The following CSMD1 variants were observed in gnomAD, a reference collection of about 807,000 sequenced individuals.
CSMD1 encodes CUB and Sushi multiple domains 1, also known as CUB and sushi domain-containing protein 1.
Under a neutral mutation model 417.5 loss-of-function variants are expected in CSMD1, and 213 were observed. The ratio of observed to expected loss-of-function variants is 0.51; its 90% CI spans 0.46 to 0.57. CSMD1 has a LOEUF of 0.57. CSMD1 is among the 20% of genes least tolerant of loss of function. The probability of loss-of-function intolerance (pLI) is 0.00; values close to 1 mark genes in which losing one functional copy is unlikely to be tolerated. For missense variants in CSMD1, 6,923 were observed against 4,529.7 expected, an observed-to-expected ratio of 1.53 and a Z score of -15.17; for synonymous variants, 2,862 against 1,736.8, an observed-to-expected ratio of 1.65 and a Z score of -16.11.
chr8:4,434,061 G>A (rs564317627), intron 2 of CSMD1, among the ~76,000 whole-genome samples: 29 of 152,262 alleles, frequency 1.9e-4, no homozygotes, highest in African/African-American at 7.0e-4. Context: ...CTAGGGGCTG[G>A]ACATTGGGAC....
At chr8:4,506,857 C>G (rs992420623) in intron 2 of CSMD1, among the ~76,000 whole-genome samples, 3 of 152,094 alleles carry the variant, frequency 2.0e-5, no homozygotes, top group Admixed American at 2.0e-4. Flanking sequence ...TATATTTGTA[C>G]GATTGATAAG....
At position 3,170,747 on chromosome 8, in the gene CSMD1, T is replaced by G. The variant is rs369920273; in HGVS notation, c.5726-8470A>C. ...ATCAAAAATTGTTCACACTTTAAAATAGTGAACTGTGTAAGTTTGTATTTA... is the reference window on the plus strand; with the variant it reads ...ATCAAAAATTGTTCACACTTTAAAAGAGTGAACTGTGTAAGTTTGTATTTA... On this transcript the variant is annotated intron_variant, in intron 37 of 69. Transcript: ENST00000635120. 7.0e-4 allele frequency among the ~76,000 whole-genome samples: 107 copies of G among 152,342 alleles called. 1 individual carries two copies. The South Asian group carries it at 0.022, about 32-fold the overall frequency.
chr8:4,042,205 C>G (rs764258657), intron 3 of CSMD1, among the ~76,000 whole-genome samples: 1 of 152,088 alleles, frequency 6.6e-6, no homozygotes, highest in Admixed American at 6.6e-5. Context: ...ATGCAAAGAA[C>G]ATGAAGAGCA....
At chr8:4,808,005 T>G (rs948565501) in intron 1 of CSMD1, among the ~76,000 whole-genome samples, 1 of 152,222 alleles carries the variant, frequency 6.6e-6, no homozygotes, top group East Asian at 1.9e-4. Context: ...AAATCTGTTG[T>G]GTATCCCATT....
At chr8:4,198,919 G>C (rs564796102) in intron 3 of CSMD1, among the ~76,000 whole-genome samples, 1 of 150,162 alleles carries the variant, frequency 6.7e-6, no homozygotes, top group African/African-American at 2.5e-5. Context: ...TTCCACGCAG[G>C]TTTTTTTTGT....
intron 2 of CSMD1, among the ~76,000 whole-genome samples, chr8:4,490,339 C>G (rs1360399544): frequency 6.6e-6 from 1 of 152,110 alleles, no homozygotes; most frequent in African/African-American, 2.4e-5. Context: ...CATATCCAGC[C>G]CAGATATCTT....
chr8:3,707,609 G>GT (rs1208696348), intron 7 of CSMD1, among the ~76,000 whole-genome samples: 3 of 152,182 alleles, frequency 2.0e-5, no homozygotes, highest in African/African-American at 7.2e-5. Flanking sequence ...CTGGTACCCA[G>GT]TAACTGTTAT....
Position 4,619,208 on chromosome 8 carries a change from C to T in CSMD1, c.302+18134G>A, listed in dbSNP as rs553963551. 1.2e-3 allele frequency among the ~76,000 whole-genome samples: 176 copies of T among 151,950 alleles called. 1 individual carries two copies. Among genetic ancestry groups the T allele is most frequent in the Non-Finnish European group, 2.2e-3 (146 of 67,904 alleles). ...TGGGCAGAATGTCTACATTTTTTCC[C>T]ACCACCACCACCCCAAATAGTTTTT... On this transcript the variant is annotated intron_variant, in intron 2 of 69. Transcript: ENST00000635120.
intron 49 of CSMD1, among the ~76,000 whole-genome samples, chr8:3,064,736 G>C (rs1241298608): frequency 6.6e-6 from 1 of 152,118 alleles, no homozygotes; most frequent in Non-Finnish European, 1.5e-5. Context: ...ACATGGTTTT[G>C]CAAGAAATGC....
chr8:3,888,726 T>G (rs937542916), intron 5 of CSMD1, among the ~76,000 whole-genome samples: 3 of 152,166 alleles, frequency 2.0e-5, no homozygotes, highest in African/African-American at 7.2e-5. Context: ...AAGACCTTAT[T>G]GAGTCCCAGT....
At chr8:4,288,550 G>A (rs531052395) in intron 3 of CSMD1, among the ~76,000 whole-genome samples, 2 of 152,242 alleles carry the variant, frequency 1.3e-5, no homozygotes, top group Admixed American at 6.5e-5. Flanking sequence ...CTTATGACTT[G>A]TCCTTCTAAG....
chr8:3,684,435 T>G (rs1799834184), intron 7 of CSMD1, among the ~76,000 whole-genome samples: 2 of 150,276 alleles, frequency 1.3e-5, no homozygotes, highest in Non-Finnish European at 1.5e-5. Context: ...TCTGCATGAC[T>G]CATAGTACTT....
At chr8:3,320,812 C>T (rs1018314533) in intron 23 of CSMD1, among the ~76,000 whole-genome samples, 1 of 152,216 alleles carries the variant, frequency 6.6e-6, no homozygotes, top group African/African-American at 2.4e-5. Context: ...AGCCACCCGC[C>T]TGCAGAGCGA....
intron 5 of CSMD1, among the ~76,000 whole-genome samples, chr8:3,779,317 G>A (rs938892396): frequency 6.6e-6 from 1 of 152,026 alleles, no homozygotes; most frequent in African/African-American, 2.4e-5. Context: ...TTGATTTTTA[G>A]AGATTTCATA....
At chr8:3,220,219 G>A (rs998254665) in intron 28 of CSMD1, among the ~76,000 whole-genome samples, 2 of 151,336 alleles carry the variant, frequency 1.3e-5, no homozygotes, top group African/African-American at 2.4e-5. Flanking sequence ...AATGCCCAGA[G>A]TGTAACCTTT....
At chr8:4,442,108 A>G (rs1344364285) in intron 2 of CSMD1, among the ~76,000 whole-genome samples, 1 of 152,150 alleles carries the variant, frequency 6.6e-6, no homozygotes, top group African/African-American at 2.4e-5. Context: ...CGAAATGCTT[A>G]TCTCCTCCCA....
intron 3 of CSMD1, among the ~76,000 whole-genome samples, chr8:4,083,261 A>T (rs1226463846): frequency 2.6e-5 from 4 of 151,900 alleles, no homozygotes; most frequent in Admixed American, 1.3e-4. Flanking sequence ...TTTCTCCACA[A>T]CCTCTCCAGC....
At chr8:3,227,836 T>G (rs1585717413) in intron 27 of CSMD1, among the ~76,000 whole-genome samples, 1 of 151,962 alleles carries the variant, frequency 6.6e-6, no homozygotes, top group Admixed American at 6.6e-5. Context: ...GGTGCGATCT[T>G]GGCTCACTGC....
rs143186048 is a variant in CSMD1, at chr8:3,923,728, C to G, written c.818+74175G>C. Among the ~76,000 whole-genome samples, 10 of 152,228 alleles carry G rather than the reference C, an allele frequency of 6.6e-5. No homozygotes were observed. In the East Asian group the frequency reaches 1.4e-3, roughly 21 times the overall value. Reference sequence around the variant, plus strand: ...AATCTCTAGTTCTTATGCTTCCTGTCTCACTGAAACTTTATACCCTTTGAC... The same window carrying G: ...AATCTCTAGTTCTTATGCTTCCTGTGTCACTGAAACTTTATACCCTTTGAC... On this transcript the variant is annotated intron_variant, in intron 5 of 69. Transcript: ENST00000635120.
Sources: allele counts gnomAD v4.1 joint callset (sites outside exome capture counted in the v4.1 genomes callset), GRCh38; gene constraint gnomAD v4.1.1; transcripts MANE v1.5; gene names NCBI Gene and HGNC (gene_info 2026-07-23, HGNC 2026-07-21).